Variants in NPSR1 observed in about 807,000 individuals in gnomAD.
NPSR1 encodes the protein neuropeptide S receptor.
In NPSR1, 48 loss-of-function variants were observed where a neutral mutation model predicts 46.9. That is an observed-to-expected ratio of 1.02 (90% CI 0.81 to 1.30). The LOEUF (loss-of-function observed/expected upper bound fraction) is 1.30, where lower values mean the gene tolerates loss of function less well. NPSR1 is among the 50% of genes most tolerant of loss of function. The pLI is 0.00. For missense variants in NPSR1, 450 were observed against 449.5 expected, an observed-to-expected ratio of 1.00 and a Z score of -0.01; for synonymous variants, 176 against 168.1, an observed-to-expected ratio of 1.05 and a Z score of -0.36.
chr7:34,760,481 A>T (rs1786116197), intron 2 of NPSR1, among the ~76,000 whole-genome samples: 1 of 152,226 alleles, frequency 6.6e-6, no homozygotes, highest in South Asian at 2.1e-4. Flanking sequence ...CATGTAGCAG[A>T]GCCAACATTC....
At chr7:34,786,182 A>C (rs983983660) in intron 3 of NPSR1, among the ~76,000 whole-genome samples, 8 of 152,158 alleles carry the variant, frequency 5.3e-5, no homozygotes, top group Non-Finnish European at 7.4e-5. Context: ...TGTTTTATCA[A>C]ATATGTTTAT....
intron 3 of NPSR1, among the ~76,000 whole-genome samples, chr7:34,803,384 A>G (rs1177141650): frequency 9.9e-5 from 15 of 152,264 alleles, no homozygotes; most frequent in East Asian, 3.9e-4. Context: ...ATACTATGCA[A>G]CCATAAAAAA....
chr7:34,863,676 A>G (rs1791240828), intron 8 of NPSR1, among the ~76,000 whole-genome samples: 1 of 151,876 alleles, frequency 6.6e-6, no homozygotes, highest in Non-Finnish European at 1.5e-5. Context: ...CCAAAATGAG[A>G]TACCATCTCA....
At chr7:34,856,447 A>C (rs1426164705) in intron 8 of NPSR1, among the ~76,000 whole-genome samples, 1 of 151,752 alleles carries the variant, frequency 6.6e-6, no homozygotes. Context: ...GCAGAAAAAT[A>C]AGAGAAAAAG....
At chr7:34,819,443 T>C (rs953655950) in intron 4 of NPSR1, among the ~76,000 whole-genome samples, 2 of 152,134 alleles carry the variant, frequency 1.3e-5, no homozygotes, top group African/African-American at 4.8e-5. Flanking sequence ...TGTGGAGAAA[T>C]AGGAACACTT....
At position 34,849,580 on chromosome 7, in the gene NPSR1, GGATTCCAGAAT is replaced by G; in HGVS notation, c.1044_1054del (p.Ser349ValfsTer6). ...CTTTCTCCAGGGAGCAAAGATCACA[GGATTCCAGAAT>G]GACGTTCCGGGAGAGAACTGAGAGG... On this transcript the variant is annotated frameshift_variant, in exon 9 of 9. Coordinates refer to ENST00000360581, the MANE Select transcript of NPSR1 (RefSeq NM_207172.2). LOFTEE classifies it high-confidence loss of function. 1 of 1,614,168 alleles carries G rather than the reference GGATTCCAGAAT, an allele frequency of 6.2e-7. No homozygotes were observed. The highest frequency in any genetic ancestry group is 8.5e-7 in the Non-Finnish European group (1 of 1,180,020).
At chr7:34,819,117 T>C (rs1789415684) in intron 4 of NPSR1, among the ~76,000 whole-genome samples, 1 of 152,030 alleles carries the variant, frequency 6.6e-6, no homozygotes, top group African/African-American at 2.4e-5. Context: ...GAAACTACCA[T>C]CAGAGTGAAT....
At chr7:34,782,242 C>A (rs1787261188) in intron 3 of NPSR1, among the ~76,000 whole-genome samples, 1 of 152,148 alleles carries the variant, frequency 6.6e-6, no homozygotes, top group Non-Finnish European at 1.5e-5. Context: ...CATGTGAGCC[C>A]ATGCATCAGA....
At chr7:34,868,247 C>A (rs1791365203) in intron 8 of NPSR1, among the ~76,000 whole-genome samples, 1 of 151,552 alleles carries the variant, frequency 6.6e-6, no homozygotes, top group African/African-American at 2.4e-5. Flanking sequence ...AACCTCTGCT[C>A]CCCCTTCACT....
intron 8 of NPSR1, among the ~76,000 whole-genome samples, chr7:34,867,373 T>G (rs73693330): frequency 0.069 from 10,536 of 151,832 alleles, 1,166 homozygotes; most frequent in African/African-American, 0.21. Context: ...ACAAATCCTC[T>G]CACTTGCTGC....
chr7:34,778,610 G>C (rs867875944), intron 3 of NPSR1, 45 bp downstream of exon 3: 2 of 1,223,424 alleles, frequency 1.6e-6, no homozygotes, highest in Middle Eastern at 3.8e-4. Context: ...TGATACCAGA[G>C]TTAGCTTTTA....
chr7:34,833,555 A>T (rs1013004787), intron 5 of NPSR1, among the ~76,000 whole-genome samples: 10 of 152,176 alleles, frequency 6.6e-5, no homozygotes, highest in Non-Finnish European at 1.5e-4. Context: ...ATTTTGTAGA[A>T]CCTCAACTGA....
chr7:34,678,841 G>GA (rs945820102), intron 1 of NPSR1, among the ~76,000 whole-genome samples: 10 of 140,732 alleles, frequency 7.1e-5, no homozygotes, highest in Admixed American at 1.4e-4. Context: ...AAAGAAAAAA[G>GA]AAAAAAAAAA....
chr7:34,809,533 G>A (rs927752834), intron 3 of NPSR1, among the ~76,000 whole-genome samples: 1 of 145,452 alleles, frequency 6.9e-6, no homozygotes, highest in Non-Finnish European at 1.5e-5. Flanking sequence ...GCGCAATCTC[G>A]GCTCACTGCA....
chr7:34,672,491 C>A (rs1362938873), intron 1 of NPSR1, among the ~76,000 whole-genome samples: 1 of 151,906 alleles, frequency 6.6e-6, no homozygotes, highest in African/African-American at 2.4e-5. Context: ...ACATGCCAAG[C>A]CCTGATCGAA....
chr7:34,866,153 C>G (rs191148699), intron 8 of NPSR1, among the ~76,000 whole-genome samples: 1 of 151,974 alleles, frequency 6.6e-6, no homozygotes, highest in Non-Finnish European at 1.5e-5. Context: ...TTGTCCCACA[C>G]GGCCTCCACC....
chr7:34,868,648 T>C (rs1433832029), intron 8 of NPSR1, among the ~76,000 whole-genome samples: 1 of 151,556 alleles, frequency 6.6e-6, no homozygotes, highest in Non-Finnish European at 1.5e-5. Context: ...GTGCATGAGA[T>C]TGGCCCAGTA....
intron 3 of NPSR1, among the ~76,000 whole-genome samples, chr7:34,806,308 C>T (rs190575872): frequency 3.0e-4 from 46 of 152,142 alleles, no homozygotes; most frequent in African/African-American, 9.6e-4. Flanking sequence ...TGCGGTACAT[C>T]CATTAAATGG....
chr7:34,751,904 C>T, intron 2 of NPSR1: 2 of 1,479,482 alleles, frequency 1.4e-6, no homozygotes, highest in Non-Finnish European at 9.4e-7. Flanking sequence ...GGACCGTCTC[C>T]CGCAGTCACT....
Sources: allele counts gnomAD v4.1 joint callset (sites outside exome capture counted in the v4.1 genomes callset), GRCh38; gene constraint gnomAD v4.1.1; transcripts MANE v1.5; gene names NCBI Gene and HGNC (gene_info 2026-07-23, HGNC 2026-07-21).